KCNQ5: variants seen among roughly 807,000 people sequenced by gnomAD.
KCNQ5 encodes potassium voltage-gated channel subfamily Q member 5, also known as potassium voltage-gated channel subfamily KQT member 5.
In KCNQ5, 30 loss-of-function variants were observed where a neutral mutation model predicts 98.2. The ratio of observed to expected loss-of-function variants is 0.31; its 90% confidence interval spans 0.23 to 0.41. The LOEUF is 0.41. Ranked by LOEUF, KCNQ5 falls within the 10% of genes least tolerant of loss-of-function variation. The probability of loss-of-function intolerance (pLI) is 1.00; values close to 1 mark genes in which losing one functional copy is unlikely to be tolerated. For synonymous variants in KCNQ5, 458 were observed against 449.4 expected, an observed-to-expected ratio of 1.02 and a Z score of -0.24; for missense variants, 835 against 1,182.5, an observed-to-expected ratio of 0.71 and a Z score of 4.31.
intron 5 of KCNQ5, among the ~76,000 whole-genome samples, chr6:73,100,404 C>T (rs983422955): frequency 3.9e-5 from 6 of 152,088 alleles, no homozygotes; most frequent in Non-Finnish European, 5.9e-5. Context: ...CTGTGGCTCA[C>T]GCCTGTAATC....
intron 1 of KCNQ5, among the ~76,000 whole-genome samples, chr6:72,944,493 A>G (rs1427081219): frequency 6.6e-6 from 1 of 152,188 alleles, no homozygotes; most frequent in East Asian, 1.9e-4. Context: ...AACAAGACAA[A>G]GGCCTGTCTC....
At chr6:72,698,941 A>G (rs1375618373) in intron 1 of KCNQ5, among the ~76,000 whole-genome samples, 1 of 152,054 alleles carries the variant, frequency 6.6e-6, no homozygotes, top group Non-Finnish European at 1.5e-5. Flanking sequence ...TTACAGGTGT[A>G]AGTCACCATG....
intron 1 of KCNQ5, among the ~76,000 whole-genome samples, chr6:72,985,687 G>A (rs1768738378): frequency 2.0e-5 from 3 of 152,194 alleles, no homozygotes; most frequent in African/African-American, 7.2e-5. Context: ...GGAGAAAACG[G>A]ACAACTTATA....
chr6:72,705,070 C>T (rs1192279597), intron 1 of KCNQ5, among the ~76,000 whole-genome samples: 1 of 152,134 alleles, frequency 6.6e-6, no homozygotes, highest in East Asian at 1.9e-4. Flanking sequence ...TCTGCCTTTG[C>T]TCAATCTATT....
chr6:72,948,550 T>G (rs1766650590), intron 1 of KCNQ5, among the ~76,000 whole-genome samples: 3 of 152,118 alleles, frequency 2.0e-5, no homozygotes, highest in South Asian at 4.1e-4. Flanking sequence ...AGGTATGTAT[T>G]ATAAGAAAAA....
At chr6:72,989,650 C>G (rs1330833467) in intron 1 of KCNQ5, among the ~76,000 whole-genome samples, 1 of 198 alleles carries the variant, frequency 5.1e-3, no homozygotes. Context: ...TGCAGAAGCT[C>G]TTTAGTTTAA....
chr6:73,047,786 G>A (rs1488070242), intron 3 of KCNQ5, among the ~76,000 whole-genome samples: 4 of 152,182 alleles, frequency 2.6e-5, no homozygotes, highest in Non-Finnish European at 4.4e-5. Context: ...GTCCCTGCCT[G>A]TAAGAATAGA....
intron 1 of KCNQ5, among the ~76,000 whole-genome samples, chr6:72,868,036 T>C (rs1190714147): frequency 6.6e-6 from 1 of 152,102 alleles, no homozygotes; most frequent in Non-Finnish European, 1.5e-5. Context: ...TTATTTGAGA[T>C]TCCAAGGAAC....
At chr6:73,061,019 T>C (rs1409863731) in intron 3 of KCNQ5, among the ~76,000 whole-genome samples, 3 of 152,194 alleles carry the variant, frequency 2.0e-5, no homozygotes, top group Non-Finnish European at 2.9e-5. Flanking sequence ...CATCAATTTG[T>C]AGTAAATGTT....
chr6:72,626,579 T>C (rs923900385), intron 1 of KCNQ5, among the ~76,000 whole-genome samples: 1 of 152,210 alleles, frequency 6.6e-6, no homozygotes, highest in Non-Finnish European at 1.5e-5. Context: ...TAATCAGATA[T>C]AAATTTTGGA....
At chr6:73,110,992 C>CA (rs1257904130) in intron 6 of KCNQ5, among the ~76,000 whole-genome samples, 5 of 151,288 alleles carry the variant, frequency 3.3e-5, no homozygotes, top group Admixed American at 1.3e-4. Flanking sequence ...GCCACACACA[C>CA]ACAAAAAAAT....
At chr6:73,063,292 C>T (rs980331145) in intron 3 of KCNQ5, among the ~76,000 whole-genome samples, 1 of 152,116 alleles carries the variant, frequency 6.6e-6, no homozygotes, top group Non-Finnish European at 1.5e-5. Flanking sequence ...GATTTTTCCT[C>T]ATAGCTTTAG....
intron 1 of KCNQ5, among the ~76,000 whole-genome samples, chr6:72,931,269 T>C (rs1415244525): frequency 6.6e-6 from 1 of 152,202 alleles, no homozygotes; most frequent in East Asian, 1.9e-4. Flanking sequence ...TTTGTCTCTC[T>C]GAATCTGTAG....
At position 72,974,988 on chromosome 6, in the gene KCNQ5, C is replaced by T. The variant is rs1768093100; in HGVS notation, c.399-28920C>T. ...CTGAGTTCAGGCAATCTACTCGCCT[C>T]GGCCTCCCAAAGTGCTAGGATTACA... is the stretch of plus-strand genomic sequence containing the variant. On this transcript the variant is annotated intron_variant, in intron 1 of 13. Transcript: ENST00000370398. Among the ~76,000 whole-genome samples, 3 of 152,168 alleles carry T rather than the reference C, an allele frequency of 2.0e-5. No individual in the cohort carries two copies. In the South Asian group the frequency reaches 6.2e-4, roughly 32 times the overall value.
At chr6:72,798,048 A>G (rs1271493051) in intron 1 of KCNQ5, among the ~76,000 whole-genome samples, 1 of 152,172 alleles carries the variant, frequency 6.6e-6, no homozygotes, top group Non-Finnish European at 1.5e-5. Context: ...ACTAAACAAG[A>G]AGCAATTTAA....
At chr6:72,924,436 C>A (rs1332575202) in intron 1 of KCNQ5, among the ~76,000 whole-genome samples, 3 of 152,200 alleles carry the variant, frequency 2.0e-5, no homozygotes, top group Non-Finnish European at 2.9e-5. Context: ...TCACCTCACA[C>A]TGAAGACTAA....
chr6:72,689,027 G>A (rs2154474154), intron 1 of KCNQ5, among the ~76,000 whole-genome samples: 1 of 152,314 alleles, frequency 6.6e-6, no homozygotes, highest in East Asian at 1.9e-4. Context: ...TATTAAAAAT[G>A]TAACCTTAAG....
At chr6:72,737,765 T>G (rs1315124309) in intron 1 of KCNQ5, among the ~76,000 whole-genome samples, 1 of 152,190 alleles carries the variant, frequency 6.6e-6, no homozygotes, top group African/African-American at 2.4e-5. Flanking sequence ...TAGGTAAGTA[T>G]TGTTTCATGA....
intron 1 of KCNQ5, among the ~76,000 whole-genome samples, chr6:72,765,694 C>T (rs973541997): frequency 1.3e-5 from 2 of 151,990 alleles, no homozygotes; most frequent in Non-Finnish European, 2.9e-5. Context: ...CTTCCTATAT[C>T]ACAGGTAAGC....
Sources: allele counts gnomAD v4.1 joint callset (sites outside exome capture counted in the v4.1 genomes callset), GRCh38; gene constraint gnomAD v4.1.1; transcripts MANE v1.5; gene names NCBI Gene and HGNC (gene_info 2026-07-23, HGNC 2026-07-21).